Variants in OXNAD1 observed in about 807,000 individuals in gnomAD.
OXNAD1 encodes oxidoreductase NAD-binding domain-containing protein 1.
A neutral mutation model predicts 32.9 loss-of-function variants in OXNAD1; 34 were observed. The ratio of observed to expected loss-of-function variants is 1.03; its 90% confidence interval spans 0.79 to 1.38. The LOEUF (loss-of-function observed/expected upper bound fraction) is 1.38. Among genes scored for constraint, OXNAD1 ranks in the 40% most tolerant of loss-of-function variants. The pLI, the probability that OXNAD1 is intolerant of heterozygous loss-of-function variation, is 0.00. For synonymous variants in OXNAD1, 134 were observed against 135.2 expected, an observed-to-expected ratio of 0.99 and a Z score of 0.06; for missense variants, 407 against 379.4, an observed-to-expected ratio of 1.07 and a Z score of -0.60.
chr3:16,276,607 G>A lies in OXNAD1; in HGVS notation c.183+4885G>A, dbSNP rs548018857. 15 of 153,014 alleles carry A rather than the reference G, an allele frequency of 9.8e-5. No individual in the cohort carries two copies. The South Asian group carries it at 2.5e-3, about 25-fold the overall frequency. 9.5% of individuals were successfully genotyped at this position (153,014 alleles called of 1,614,324 possible). A position where few individuals can be genotyped will look rare whatever the true frequency, so the allele number is the denominator to read the frequency against. ...TCAGCTTCTGGTCTTTGTTTTTTTTGTTCCTGGCGATTTGTAGAGTAAATC... is the reference window on the plus strand; with the variant it reads ...TCAGCTTCTGGTCTTTGTTTTTTTTATTCCTGGCGATTTGTAGAGTAAATC... On this transcript the variant is annotated intron_variant, in intron 4 of 8. Transcript: ENST00000285083.
chr3:16,299,248 G>A lies in OXNAD1; in HGVS notation c.433-2378G>A, dbSNP rs1271733244. On this transcript the variant is annotated intron_variant, in intron 6 of 8. Transcript: ENST00000285083. This position sits in a 1 kb window ranked among gnomAD's most constrained non-coding sequence, Gnocchi z 4.4. ...GGCAAGCAAGAGAGGGAGGGAAGGA[G>A]GATATAGGAGATGAAATTCATTGTC... 2.0e-5 allele frequency among the ~76,000 whole-genome samples: 3 copies of A among 152,180 alleles called. No homozygotes were observed. The highest frequency in any genetic ancestry group is 7.2e-5 in the African/African-American group (3 of 41,438).
intron 4 of OXNAD1, 29 bp from the exon 5 acceptor site, chr3:16,286,313 C>G (rs1415261222): frequency 1.3e-6 from 2 of 1,563,694 alleles, no homozygotes; most frequent in Admixed American, 1.7e-5. Flanking sequence ...ACGCACTAAC[C>G]TCAGCCACAG....
At chr3:16,350,395 G>A (rs1033661275), downstream of OXNAD1, 4 of 152,186 alleles carry the variant, frequency 2.6e-5, no homozygotes, top group African/African-American at 9.7e-5. Flanking sequence ...CTGAGTCATG[G>A]ATGGGCGTGG....
rs1269008784 is a variant in OXNAD1 at position 16,334,316 on chromosome 3, G to C, written c.*31-2796G>C. On this transcript the variant is annotated intron_variant, in intron 9 of 9. Coordinates refer to the OXNAD1 transcript ENST00000435829. This position sits in a 1 kb window ranked among gnomAD's most constrained non-coding sequence, Gnocchi z 4.3. ...GCGTTCTTGTACATTGCTAGTGGAA[G>C]GGCTCATTGATTCAACCCTCCTGGA... Among the ~76,000 whole-genome samples, 1 of 152,212 alleles carries C rather than the reference G, an allele frequency of 6.6e-6. No individual in the cohort carries two copies. The highest frequency in any genetic ancestry group is 1.5e-5 in the Non-Finnish European group (1 of 68,036).
intron 6 of OXNAD1, 29 bp downstream of exon 6, chr3:16,295,026 G>GA: frequency 6.3e-7 from 1 of 1,579,024 alleles, no homozygotes; most frequent in Non-Finnish European, 8.6e-7. Context: ...TAAACGCGAT[G>GA]ATCTGGGTAT....
chr3:16,294,844 C>A lies in OXNAD1; in HGVS notation c.291-12C>A. The A allele has an allele frequency of 6.3e-7, 1 of 1,579,570 alleles. No homozygotes were observed. On this transcript the variant is annotated splice_polypyrimidine_tract_variant and intron_variant, in intron 5 of 8. Coordinates refer to ENST00000285083, the MANE Select transcript of OXNAD1 (RefSeq NM_138381.5). ...GCTTCAACAATAATCATTTATTTGG[C>A]TTTCTTTTTAGGGTTGATTTCTTTA...
intron 9 of OXNAD1, among the ~76,000 whole-genome samples, chr3:16,347,301 AG>A (rs975993863): frequency 2.0e-5 from 3 of 152,134 alleles, no homozygotes; most frequent in African/African-American, 7.2e-5. Flanking sequence ...TCCATTTTCT[AG>A]GGGGGGCTAT....
intron 5 of OXNAD1, among the ~76,000 whole-genome samples, chr3:16,292,096 G>C (rs2066466649): frequency 6.6e-6 from 1 of 151,360 alleles, no homozygotes; most frequent in Non-Finnish European, 1.5e-5. Flanking sequence ...TTACTGAGTT[G>C]TAAGAGTTCT....
In OXNAD1 at chr3:16,348,600, G is replaced by C. The variant is rs1410938019; in HGVS notation, c.*31-576G>C. On this transcript the variant is annotated intron_variant, in intron 9 of 9. Coordinates refer to the OXNAD1 transcript ENST00000606098. The surrounding 1 kb of genome is among the most constrained non-coding windows in gnomAD (Gnocchi z 6.3). Reference sequence around the variant, plus strand: ...TGAATGCCTTCCCATTTCCTTTGTAGGATGTCTTCTTCCCGAGGCTCCTTG... The same window carrying C: ...TGAATGCCTTCCCATTTCCTTTGTACGATGTCTTCTTCCCGAGGCTCCTTG... Among the ~76,000 whole-genome samples, 1 of 152,122 alleles carries C rather than the reference G, an allele frequency of 6.6e-6. No homozygotes were observed. Among genetic ancestry groups the C allele is most frequent in the East Asian group, 1.9e-4 (1 of 5,188 alleles).
intron 9 of OXNAD1, among the ~76,000 whole-genome samples, chr3:16,324,108 T>G (rs954254047): frequency 6.6e-6 from 1 of 152,230 alleles, no homozygotes; most frequent in Non-Finnish European, 1.5e-5. Flanking sequence ...GATCACTGTT[T>G]TTTTTTTCCC....
intron 9 of OXNAD1, among the ~76,000 whole-genome samples, chr3:16,326,576 G>A (rs190285148): frequency 1.7e-3 from 252 of 152,296 alleles, no homozygotes; most frequent in African/African-American, 5.8e-3. Flanking sequence ...GGGAAGAGGG[G>A]TGCAGGGGAG....
At position 16,284,932 on chromosome 3, in the gene OXNAD1, AG is replaced by A. The variant is rs1275478998; in HGVS notation, c.184-1408del. On this transcript the variant is annotated intron_variant, in intron 4 of 8. Transcript: ENST00000285083. This position sits in a 1 kb window ranked among gnomAD's most constrained non-coding sequence, Gnocchi z 4.1. ...CATTAGATGTAATCTTTGATGAAAC[AG>A]GAATGTACTAAAGGGAGGAAAATTG... 6.6e-6 allele frequency among the ~76,000 whole-genome samples: 1 copy of A among 152,258 alleles called. No homozygotes were observed. The highest frequency in any genetic ancestry group is 1.9e-4 in the East Asian group (1 of 5,208).
intron 4 of OXNAD1, chr3:16,272,330 C>T (rs368778226): frequency 1.9e-4 from 45 of 237,712 alleles, no homozygotes; most frequent in South Asian, 9.5e-4. Flanking sequence ...CAGTGAGTAA[C>T]CCCATTTTTG....
intron 1 of OXNAD1, among the ~76,000 whole-genome samples, chr3:16,268,715 C>A (rs1200005650): frequency 6.6e-6 from 1 of 152,096 alleles, no homozygotes; most frequent in Non-Finnish European, 1.5e-5. Flanking sequence ...AATGATGTAT[C>A]CTATTGTGAG....
chr3:16,267,161 GT>G (rs2064581752), intron 1 of OXNAD1, among the ~76,000 whole-genome samples: 1 of 152,182 alleles, frequency 6.6e-6, no homozygotes, highest in Non-Finnish European at 1.5e-5. Context: ...GTATCAGCAA[GT>G]TTTGGGGCTC....
At position 16,271,135 on chromosome 3, in the gene OXNAD1, G is replaced by A; in HGVS notation, c.119+64G>A. ...TTCAAAGAGACCCGACCTGCTGATG[G>A]TTGTGGGAGGCATATCAAACTCCCG... On this transcript the variant is annotated intron_variant, in intron 3 of 8. Transcript: ENST00000285083. The surrounding 1 kb of genome is among the most constrained non-coding windows in gnomAD (Gnocchi z 4.6). 4 of 1,565,780 alleles carry A rather than the reference G, an allele frequency of 2.6e-6. No individual in the cohort carries two copies. Among genetic ancestry groups the A allele is most frequent in the South Asian group, 2.3e-5 (2 of 86,856 alleles).
chr3:16,272,268 C>G (rs1208135890), intron 4 of OXNAD1: 2 of 403,956 alleles, frequency 5.0e-6, no homozygotes, highest in East Asian at 1.6e-4. Context: ...GCTAATCTAC[C>G]ACCTGAAGGG....
At chr3:16,275,952 C>T (rs1438282875) in intron 4 of OXNAD1, 1 of 153,048 alleles carries the variant, frequency 6.5e-6, no homozygotes, top group East Asian at 1.9e-4. Flanking sequence ...GTGAAAAGCA[C>T]CTATATCCAT....
At chr3:16,306,498 T>C (rs1185244391), downstream of OXNAD1, among the ~76,000 whole-genome samples, 2 of 152,244 alleles carry the variant, frequency 1.3e-5, no homozygotes, top group Admixed American at 1.3e-4. Context: ...TCTGTGTTGT[T>C]TCCTCATGGC....
Sources: gnomAD v4.1 joint callset for allele counts (sites outside exome capture counted in the v4.1 genomes callset) on GRCh38, gnomAD v4.1.1 for gene constraint, Gnocchi (gnomAD v3.1) non-coding constraint, MANE v1.5 for transcripts, NCBI Gene and HGNC (gene_info 2026-07-23, HGNC 2026-07-21) for gene names.